The following FRMD4A variants were observed in gnomAD, a reference collection of about 807,000 sequenced individuals.
FRMD4A encodes FERM domain containing 4A.
Under a neutral mutation model 129.1 loss-of-function variants are expected in FRMD4A, and 29 were observed. That is an observed-to-expected ratio of 0.22 (90% CI 0.17 to 0.31). The LOEUF (loss-of-function observed/expected upper bound fraction) is 0.31. FRMD4A is among the 10% of genes least tolerant of loss of function. The probability of loss-of-function intolerance (pLI) is 1.00; values close to 1 mark genes in which losing one functional copy is unlikely to be tolerated. For synonymous variants in FRMD4A, 634 were observed against 571.6 expected (o/e 1.11, Z -1.56); for missense variants, 1,272 against 1,375.8 (o/e 0.92, Z 1.19).
intron 2 of FRMD4A, among the ~76,000 whole-genome samples, chr10:14,134,585 T>C (rs1053464776): frequency 6.6e-6 from 1 of 150,614 alleles, no homozygotes; most frequent in Admixed American, 6.6e-5. Flanking sequence ...GGTGGGTAGA[T>C]GGATGGATGG....
chr10:13,922,581 A>G (rs2797863), intron 2 of FRMD4A, among the ~76,000 whole-genome samples: 123,912 of 152,132 alleles, frequency 0.81, 50,705 homozygotes, highest in Middle Eastern at 0.91. Flanking sequence ...TGCTCTAAAA[A>G]TAAAAAGCTC....
intron 2 of FRMD4A, among the ~76,000 whole-genome samples, chr10:14,154,269 T>A (rs1286036252): frequency 6.6e-6 from 1 of 152,134 alleles, no homozygotes; most frequent in Non-Finnish European, 1.5e-5. Flanking sequence ...GAGCCAAAGC[T>A]GAAGACGAGT....
At position 14,055,459 on chromosome 10, in the gene FRMD4A, ACAAACACACACACAC is replaced by A. The variant is rs1834474170; in HGVS notation, c.46-196562_46-196548del. 0.012 allele frequency among the ~76,000 whole-genome samples: 1,333 copies of A among 111,442 alleles called. 54 individuals carry two copies. The East Asian group carries it at 0.23, about 19-fold the overall frequency. The allele number at this position is 111,442 out of a possible 152,430, so 73.1% of individuals were successfully genotyped here. On this transcript the variant is annotated intron_variant, in intron 2 of 24. Transcript: ENST00000357447. ...TAGCTACACACACACACACACACAC[ACAAACACACACACAC>A]ACACACACACACACACACACACACT...
At chr10:13,673,304 C>T (rs547890353) in intron 16 of FRMD4A, among the ~76,000 whole-genome samples, 5 of 152,264 alleles carry the variant, frequency 3.3e-5, no homozygotes, top group African/African-American at 4.8e-5. Flanking sequence ...GAGCTGGCTC[C>T]GGTTTAAATC....
chr10:14,291,930 T>A (rs1845861093), intron 2 of FRMD4A, among the ~76,000 whole-genome samples: 1 of 152,096 alleles, frequency 6.6e-6, no homozygotes, highest in Non-Finnish European at 1.5e-5. Context: ...CATTTTAAAA[T>A]GTGATGTATT....
chr10:13,707,224 G>C, intron 12 of FRMD4A, 111 bp from the exon 13 acceptor site: 1 of 825,374 alleles, frequency 1.2e-6, no homozygotes, highest in South Asian at 1.6e-5. Flanking sequence ...TCAAAACAGA[G>C]ACCGTAGTCT....
intron 3 of FRMD4A, among the ~76,000 whole-genome samples, chr10:13,842,289 A>G (rs1038969356): frequency 6.6e-6 from 1 of 152,342 alleles, no homozygotes; most frequent in South Asian, 2.1e-4. Context: ...TTTGCTTAAA[A>G]TAGTTCAGCT....
At chr10:13,792,732 G>C (rs991928477) in intron 5 of FRMD4A, among the ~76,000 whole-genome samples, 1 of 152,164 alleles carries the variant, frequency 6.6e-6, no homozygotes, top group Non-Finnish European at 1.5e-5. Context: ...GAAGCCACCT[G>C]GGATCATTCC....
chr10:13,673,980 C>T lies in FRMD4A; in HGVS notation c.1251+931G>A, dbSNP rs539467000. Among the ~76,000 whole-genome samples, 808 of 151,938 alleles carry T rather than the reference C, an allele frequency of 5.3e-3. 2 individuals carry two copies. Among genetic ancestry groups the T allele is most frequent in the Non-Finnish European group, 7.5e-3 (509 of 67,942 alleles). ...ACAGGGTCTCACTATGTTGCTCAGG[C>T]TAGTCTCCAACCCCTGGTCTCCAGT... On this transcript the variant is annotated intron_variant, in intron 16 of 24. Transcript: ENST00000357447.
intron 2 of FRMD4A, among the ~76,000 whole-genome samples, chr10:14,318,713 G>A (rs1846851387): frequency 6.6e-6 from 1 of 151,810 alleles, no homozygotes; most frequent in South Asian, 2.1e-4. Flanking sequence ...TAGACAGTTT[G>A]TGAGTAATTC....
intron 2 of FRMD4A, among the ~76,000 whole-genome samples, chr10:14,238,222 T>C (rs768745538): frequency 5.9e-5 from 9 of 152,234 alleles, no homozygotes; most frequent in Non-Finnish European, 1.3e-4. Context: ...CTCATAATAA[T>C]TCTGCAAGGT....
chr10:13,995,718 T>C (rs983064193), intron 2 of FRMD4A, among the ~76,000 whole-genome samples: 4 of 152,198 alleles, frequency 2.6e-5, no homozygotes, highest in Non-Finnish European at 4.4e-5. Flanking sequence ...TCGTTGACAA[T>C]TGGTCTTCAG....
chr10:14,294,346 G>A (rs1328766959), intron 2 of FRMD4A, among the ~76,000 whole-genome samples: 1 of 152,184 alleles, frequency 6.6e-6, no homozygotes, highest in Non-Finnish European at 1.5e-5. Flanking sequence ...ACTGCTTAGT[G>A]TGAACTAATA....
intron 2 of FRMD4A, among the ~76,000 whole-genome samples, chr10:14,325,123 A>T (rs1040490775): frequency 6.6e-6 from 1 of 152,246 alleles, no homozygotes; most frequent in Admixed American, 6.5e-5. Context: ...TTTGAAAAAC[A>T]TAGAGATTAT....
Position 14,057,586 on chromosome 10 carries a change from T to TC in FRMD4A, c.46-198675dup, listed in dbSNP as rs71388156. 8.8e-4 allele frequency among the ~76,000 whole-genome samples: 134 copies of TC among 151,968 alleles called. 1 individual carries two copies. Among genetic ancestry groups the TC allele is most frequent in the Admixed American group, 7.3e-3 (112 of 15,266 alleles). On this transcript the variant is annotated intron_variant, in intron 2 of 24. Coordinates refer to ENST00000357447, the MANE Select transcript of FRMD4A (RefSeq NM_018027.5). ...TGAATTTATAATCTTTTTTTTTTTT[T>TC]CGAGATGGAGATTCACACTTGTTGC... is the stretch of plus-strand genomic sequence containing the variant.
chr10:14,253,936 G>A (rs985777153), intron 2 of FRMD4A, among the ~76,000 whole-genome samples: 3 of 152,116 alleles, frequency 2.0e-5, no homozygotes, highest in African/African-American at 7.2e-5. Flanking sequence ...ACAGGTCCCA[G>A]GAGAGACCTT....
At chr10:13,716,270 TG>T (rs2088793276) in intron 12 of FRMD4A, among the ~76,000 whole-genome samples, 1 of 152,220 alleles carries the variant, frequency 6.6e-6, no homozygotes, top group South Asian at 2.1e-4. Context: ...ACCATTTTCC[TG>T]TTATGACTTC....
intron 2 of FRMD4A, among the ~76,000 whole-genome samples, chr10:14,115,992 A>G (rs11258874): frequency 2.6e-5 from 4 of 152,386 alleles, no homozygotes; most frequent in East Asian, 3.9e-4. Context: ...AGCATTGCCC[A>G]TAATAAACAC....
At chr10:13,979,381 C>G (rs1406571541) in intron 2 of FRMD4A, among the ~76,000 whole-genome samples, 5 of 152,060 alleles carry the variant, frequency 3.3e-5, no homozygotes, top group Admixed American at 2.0e-4. Context: ...GACGATTAAG[C>G]TGACTTTATG....
Sources: gnomAD v4.1 joint callset for allele counts (sites outside exome capture counted in the v4.1 genomes callset) on GRCh38, gnomAD v4.1.1 for gene constraint, MANE v1.5 for transcripts, NCBI Gene and HGNC (gene_info 2026-07-23, HGNC 2026-07-21) for gene names.